CRLF2: variants seen among roughly 807,000 people sequenced by gnomAD.
The protein encoded by CRLF2 is cytokine receptor like factor 2.
Under a neutral mutation model 38.7 loss-of-function variants are expected in CRLF2, and 41 were observed. The ratio of observed to expected loss-of-function variants is 1.06; its 90% CI spans 0.83 to 1.37. CRLF2 has a LOEUF of 1.37. Among genes scored for constraint, CRLF2 ranks in the 40% most tolerant of loss-of-function variants. CRLF2 has a pLI of 0.00. For synonymous variants in CRLF2, 140 were observed against 128.8 expected, an observed-to-expected ratio of 1.09 and a Z score of -0.59; for missense variants, 377 against 322.2, an observed-to-expected ratio of 1.17 and a Z score of -1.30.
At chrX:1,212,145 A>T (rs1476855198) in intron 1 of CRLF2, among the ~76,000 whole-genome samples, 1 of 151,260 alleles carries the variant, frequency 6.6e-6, no homozygotes, top group Non-Finnish European at 1.5e-5. Context: ...TGAATAATAG[A>T]TGGATGGATA....
At chrX:1,197,430 T>C (rs1260327531) in intron 5 of CRLF2, among the ~76,000 whole-genome samples, 1 of 152,118 alleles carries the variant, frequency 6.6e-6, no homozygotes, top group South Asian at 2.1e-4. Context: ...ATGTAGCCTT[T>C]GGAGGCTTCT....
chrX:1,199,611 T>A (rs1232353325), intron 4 of CRLF2, among the ~76,000 whole-genome samples: 1 of 152,116 alleles, frequency 6.6e-6, no homozygotes, highest in Non-Finnish European at 1.5e-5. Flanking sequence ...TGTATCTACA[T>A]ATCTTTACAG....
rs1333556562 is a variant in CRLF2, at chrX:1,192,708, T to TTTCC, written c.852+509_852+510insGGAA. On this transcript the variant is annotated intron_variant, in intron 7 of 7. Transcript: ENST00000400841. ...TTCTCTTTCTTTTTCTTTTCTTTTC[T>TTTCC]TTTCTTTCTTTCTTTCTTTCTTTCT... 1.6e-4 allele frequency among the ~76,000 whole-genome samples: 18 copies of TTTCC among 110,012 alleles called. No individual in the cohort carries two copies. In the Admixed American group the frequency reaches 1.9e-3, roughly 12 times the overall value. 72.2% of individuals were successfully genotyped at this position (110,012 alleles called of 152,430 possible).
chrX:1,206,503 G>A lies in CRLF2; in HGVS notation c.279C>T (p.Asp93=), dbSNP rs1422648367. 6.2e-7 allele frequency: 1 copy of A among 1,613,598 alleles called. No individual in the cohort carries two copies. The highest frequency in any genetic ancestry group is 1.1e-5 in the South Asian group (1 of 91,072). Residue 93 remains aspartate (D), a synonymous_variant, in exon 3 of 8, where the codon GAC becomes GAT. Transcript: ENST00000400841. ...CATTCCTGATGGAGAAATAGAGAAT[G>A]TCGTCTCGCTGCTCTGCGTCTAGGA... is the stretch of plus-strand genomic sequence containing the variant. ...GCLLDAEQRD[D]ILYFSIRNGT...
At chrX:1,191,591 G>A (rs2086381861) in intron 7 of CRLF2, among the ~76,000 whole-genome samples, 1 of 151,584 alleles carries the variant, frequency 6.6e-6, no homozygotes, top group South Asian at 2.1e-4. Flanking sequence ...GAGTGCAACG[G>A]CGTGATCTCG....
Position 1,191,154 on chromosome X carries a change from T to C in CRLF2, c.859A>G (p.Ile287Val), listed in dbSNP as rs2086366390. 1.8e-5 allele frequency: 7 copies of C among 398,688 alleles called. No individual in the cohort carries two copies. Among genetic ancestry groups the C allele is most frequent in the Non-Finnish European group, 3.1e-5 (7 of 226,184 alleles). 24.7% of individuals were successfully genotyped at this position (398,688 alleles called of 1,614,324 possible). A position where few individuals can be genotyped will look rare whatever the true frequency, so the allele number is the denominator to read the frequency against. Residue 287 changes from isoleucine (I) to valine (V), a missense_variant, in exon 8 of 8, where the codon ATC (isoleucine) becomes GTC (valine). Ile to Val is a conservative substitution (Grantham distance 29, BLOSUM62 3). Coordinates refer to ENST00000400841, the MANE Select transcript of CRLF2 (RefSeq NM_022148.4). ...EIHQGNFQEWITDTQNVAHLH... is the reference protein window; with the variant it reads ...EIHQGNFQEWVTDTQNVAHLH... The stretch of plus-strand genomic sequence containing the variant: ...TGGGCCACGTTCTGGGTGTCTGTGA[T>C]CCACTCCTACCAGGAAGAACATTCT...
At chrX:1,201,970 T>C (rs1233220316) in intron 4 of CRLF2, among the ~76,000 whole-genome samples, 1 of 146,388 alleles carries the variant, frequency 6.8e-6, no homozygotes, top group Non-Finnish European at 1.5e-5. Flanking sequence ...ATAAAATAGA[T>C]GATAGATTGA....
intron 4 of CRLF2, among the ~76,000 whole-genome samples, chrX:1,199,691 A>G (rs1240994421): frequency 1.3e-5 from 2 of 152,014 alleles, no homozygotes; most frequent in Non-Finnish European, 1.5e-5. Context: ...TATAGTTTAT[A>G]TATGTTTGTA....
intron 7 of CRLF2, among the ~76,000 whole-genome samples, chrX:1,191,687 A>G (rs1251089171): frequency 6.6e-6 from 1 of 151,560 alleles, no homozygotes; most frequent in African/African-American, 2.4e-5. Flanking sequence ...GTGCACCACC[A>G]CACACGGCTA....
chrX:1,200,460 C>G (rs1302053707), intron 4 of CRLF2, among the ~76,000 whole-genome samples: 1 of 148,500 alleles, frequency 6.7e-6, no homozygotes, highest in African/African-American at 2.5e-5. Flanking sequence ...TGTGTGTATA[C>G]GTGTGTATAA....
chrX:1,197,934 A>G (rs1360809297), intron 5 of CRLF2, among the ~76,000 whole-genome samples: 1 of 152,030 alleles, frequency 6.6e-6, no homozygotes, highest in Admixed American at 6.6e-5. Flanking sequence ...CGTGGGAGAC[A>G]GATGTTGCAG....
rs1336108246 is a variant in CRLF2 at position 1,190,544 on chromosome X, T to C, written c.*353A>G. The C allele has an allele frequency of 3.4e-6, 1 of 293,126 alleles. No individual in the cohort carries two copies. Among genetic ancestry groups the C allele is most frequent in the African/African-American group, 2.1e-5 (1 of 47,026 alleles). The allele number at this position is 293,126 out of a possible 1,614,324, so 18.2% of individuals were successfully genotyped here. On this transcript the variant is annotated 3_prime_UTR_variant, in exon 8 of 8. Transcript: ENST00000400841. Reference sequence around the variant, plus strand: ...AATCCAATGCTATGGGAATGGTACATGGACGGAACTGGGGACTCACAGAGT... The same window carrying C: ...AATCCAATGCTATGGGAATGGTACACGGACGGAACTGGGGACTCACAGAGT...
At chrX:1,192,708 T>TTTTTTTC (rs2086409200) in intron 7 of CRLF2, among the ~76,000 whole-genome samples, 1 of 110,012 alleles carries the variant, frequency 9.1e-6, no homozygotes, top group Non-Finnish European at 1.8e-5. Context: ...TTTTCTTTTC[T>TTTTTTTC]TTTCTTTCTT....
At position 1,210,113 on chromosome X, in the gene CRLF2, AAAG is replaced by A. The variant is rs1253058404; in HGVS notation, c.80-1208_80-1206del. Among the ~76,000 whole-genome samples the A allele has an allele frequency of 4.1e-3, 385 of 94,954 alleles. 17 individuals are homozygous for A. In the East Asian group the frequency reaches 0.084, roughly 21 times the overall value. The allele number at this position is 94,954 out of a possible 152,430, so 62.3% of individuals were successfully genotyped here. ...AGCAAGACTCCCTATCAAAAAAAAA[AAAG>A]AAAAGAAAAGAAAAGAAAAGAAAAG... On this transcript the variant is annotated intron_variant, in intron 1 of 7. Coordinates refer to ENST00000400841, the MANE Select transcript of CRLF2 (RefSeq NM_022148.4).
chrX:1,194,806 C>T (rs1209490328), intron 6 of CRLF2, among the ~76,000 whole-genome samples: 14 of 151,536 alleles, frequency 9.2e-5, no homozygotes, highest in Admixed American at 2.6e-4. Flanking sequence ...CCGAGGAGGA[C>T]GGATCTCCTG....
At chrX:1,206,671 T>TA (rs1474312738) in intron 2 of CRLF2, 72 bp from the exon 3 acceptor site, 36 of 1,479,880 alleles carry the variant, frequency 2.4e-5, no homozygotes, top group Non-Finnish European at 3.3e-5. Flanking sequence ...AGATGGGGTC[T>TA]TGCTCTTGTC....
rs1165440754 is a variant in CRLF2, at chrX:1,192,708, T to TTTTCTTTCTTTCTTTCTTTC, written c.852+490_852+509dup. On this transcript the variant is annotated intron_variant, in intron 7 of 7. Coordinates refer to ENST00000400841, the MANE Select transcript of CRLF2 (RefSeq NM_022148.4). ...TTCTCTTTCTTTTTCTTTTCTTTTC[T>TTTTCTTTCTTTCTTTCTTTC]TTTCTTTCTTTCTTTCTTTCTTTCT... Among the ~76,000 whole-genome samples the TTTTCTTTCTTTCTTTCTTTC allele has an allele frequency of 6.6e-4, 73 of 110,100 alleles. 2 individuals carry two copies. Among genetic ancestry groups the TTTTCTTTCTTTCTTTCTTTC allele is most frequent in the Admixed American group, 2.8e-3 (26 of 9,376 alleles). 72.2% of individuals were successfully genotyped at this position (110,100 alleles called of 152,430 possible).
intron 2 of CRLF2, among the ~76,000 whole-genome samples, chrX:1,207,060 C>T (rs1430890674): frequency 6.6e-6 from 1 of 151,216 alleles, no homozygotes; most frequent in Non-Finnish European, 1.5e-5. Context: ...ATTCTCCTGC[C>T]TCTGCCTCCT....
chrX:1,212,379 C>T (rs2086818539), intron 1 of CRLF2, among the ~76,000 whole-genome samples, 177 bp downstream of exon 1: 1 of 140,002 alleles, frequency 7.1e-6, no homozygotes, highest in Admixed American at 7.5e-5. Flanking sequence ...TTTGTCCCAG[C>T]TACTTGAGAA....
Sources: gnomAD v4.1 joint callset for allele counts (sites outside exome capture counted in the v4.1 genomes callset) on GRCh38, gnomAD v4.1.1 for gene constraint, MANE v1.5 for transcripts, NCBI Gene and HGNC (gene_info 2026-07-23, HGNC 2026-07-21) for gene names.